Variants in SLIT2 observed in about 807,000 individuals in gnomAD.
SLIT2 encodes slit homolog 2 protein.
SLIT2 carries 41 observed loss-of-function variants against 185.7 expected under a neutral mutation model. That is an observed-to-expected ratio of 0.22 (90% CI 0.17 to 0.29). The LOEUF (loss-of-function observed/expected upper bound fraction) is 0.29, where lower values mean the gene tolerates loss of function less well. SLIT2 is among the 10% of genes least tolerant of loss of function. The probability of loss-of-function intolerance (pLI) is 1.00; values close to 1 mark genes in which losing one functional copy is unlikely to be tolerated. For missense variants in SLIT2, 1,571 were observed against 1,909.0 expected, an observed-to-expected ratio of 0.82 and a Z score of 3.30; for synonymous variants, 693 against 680.2, an observed-to-expected ratio of 1.02 and a Z score of -0.29.
At chr4:20,360,888 C>T (rs902770819) in intron 4 of SLIT2, among the ~76,000 whole-genome samples, 5 of 152,210 alleles carry the variant, frequency 3.3e-5, no homozygotes, top group African/African-American at 1.2e-4. Flanking sequence ...TTAAAGTCAA[C>T]CTGTGACTTA....
chr4:20,406,969 A>G (rs1353229409), intron 4 of SLIT2, among the ~76,000 whole-genome samples: 3 of 152,174 alleles, frequency 2.0e-5, no homozygotes, highest in African/African-American at 4.8e-5. Context: ...GGATTATCAT[A>G]TAACAATAAA....
chr4:20,307,437 AT>A (rs879829182), intron 4 of SLIT2, among the ~76,000 whole-genome samples: 147 of 151,056 alleles, frequency 9.7e-4, no homozygotes, highest in Admixed American at 1.8e-3. Flanking sequence ...TAAATTCTTA[AT>A]TTTTTTTCAT....
At chr4:20,356,433 G>C (rs1722329834) in intron 4 of SLIT2, among the ~76,000 whole-genome samples, 1 of 152,128 alleles carries the variant, frequency 6.6e-6, no homozygotes, top group Non-Finnish European at 1.5e-5. Flanking sequence ...CACCTAGTTA[G>C]ATATTGATGC....
intron 4 of SLIT2, among the ~76,000 whole-genome samples, chr4:20,340,760 C>G (rs1720896258): frequency 6.6e-6 from 1 of 152,088 alleles, no homozygotes; most frequent in South Asian, 2.1e-4. Context: ...GCCACTAGAC[C>G]CGGCTAATTT....
chr4:20,328,601 T>A (rs1485681246), intron 4 of SLIT2, among the ~76,000 whole-genome samples: 3 of 151,864 alleles, frequency 2.0e-5, no homozygotes, highest in African/African-American at 4.8e-5. Context: ...AAAAAAAAAA[T>A]TATATTTGAA....
chr4:20,336,680 TAAAG>T (rs1439067447), intron 4 of SLIT2, among the ~76,000 whole-genome samples: 7 of 150,756 alleles, frequency 4.6e-5, no homozygotes, highest in Admixed American at 3.3e-4. Context: ...TAAAGTATAA[TAAAG>T]AAAAAAAAGA....
intron 16 of SLIT2, among the ~76,000 whole-genome samples, chr4:20,530,771 G>C (rs924040417): frequency 3.3e-5 from 5 of 151,978 alleles, no homozygotes; most frequent in Non-Finnish European, 5.9e-5. Context: ...AATATATACA[G>C]AACTCTTATA....
chr4:20,372,245 G>C (rs932712322), intron 4 of SLIT2, among the ~76,000 whole-genome samples: 2 of 152,050 alleles, frequency 1.3e-5, no homozygotes, highest in African/African-American at 4.8e-5. Flanking sequence ...CAATTATTTT[G>C]AGAGGAATTT....
chr4:20,273,003 A>G (rs1713788509), intron 4 of SLIT2, among the ~76,000 whole-genome samples: 1 of 152,154 alleles, frequency 6.6e-6, no homozygotes, highest in East Asian at 1.9e-4. Flanking sequence ...TGGCCAGGTC[A>G]TAATTCATTA....
chr4:20,462,839 C>T (rs1713878958), intron 4 of SLIT2, among the ~76,000 whole-genome samples: 1 of 152,164 alleles, frequency 6.6e-6, no homozygotes. Flanking sequence ...TAGAACAGTA[C>T]ACTCCTAGAA....
At chr4:20,447,407 C>T (rs904664222) in intron 4 of SLIT2, among the ~76,000 whole-genome samples, 2 of 152,172 alleles carry the variant, frequency 1.3e-5, no homozygotes, top group African/African-American at 4.8e-5. Flanking sequence ...TTGTGAGGGA[C>T]GCCCTGAGTT....
At chr4:20,262,398 A>G (rs576749834) in intron 3 of SLIT2, among the ~76,000 whole-genome samples, 1 of 151,938 alleles carries the variant, frequency 6.6e-6, no homozygotes, top group East Asian at 1.9e-4. Flanking sequence ...AGAAAGCATC[A>G]TTTATCCTGT....
chr4:20,575,533 C>T (rs1253542078), intron 29 of SLIT2, among the ~76,000 whole-genome samples: 1 of 152,172 alleles, frequency 6.6e-6, no homozygotes. Context: ...GGCCCAGATG[C>T]AAACCCATGT....
intron 4 of SLIT2, among the ~76,000 whole-genome samples, chr4:20,358,822 A>G (rs868061984): frequency 1.2e-3 from 189 of 152,284 alleles, no homozygotes; most frequent in Non-Finnish European, 6.5e-4. Flanking sequence ...AGGGGCAGAT[A>G]AACATGAGAT....
rs1360674817 is a variant in SLIT2, at chr4:20,546,244, C to A, written c.2345+145C>A. 8.0e-6 allele frequency: 4 copies of A among 502,216 alleles called. No homozygotes were observed. The South Asian group carries it at 1.4e-4, about 18-fold the overall frequency. The allele number at this position is 502,216 out of a possible 1,614,324, so 31.1% of individuals were successfully genotyped here. ...CCTCCTTGCTCATTGCGGTTCTGGA[C>A]CCCTGGCTACATCTTCATTGAATAT... On this transcript the variant is annotated intron_variant, in intron 22 of 36. Transcript: ENST00000504154.
rs1022838874 is a variant in SLIT2, at chr4:20,619,644, A to AT, written c.*642dup. On this transcript the variant is annotated 3_prime_UTR_variant, in exon 37 of 37. Transcript: ENST00000504154. ...AAGTCTTTACCATTTTCCAGTATTAATTTTTTTGTAATATAAATGATAAAG... is the reference window on the plus strand; with the variant it reads ...AAGTCTTTACCATTTTCCAGTATTAATTTTTTTTGTAATATAAATGATAAAG... The AT allele has an allele frequency of 6.6e-6, 1 of 152,118 alleles. No homozygotes were observed. Among genetic ancestry groups the AT allele is most frequent in the Non-Finnish European group, 1.5e-5 (1 of 68,026 alleles). The allele number at this position is 152,118 out of a possible 1,614,324, so 9.4% of individuals were successfully genotyped here.
intron 34 of SLIT2, chr4:20,616,251 G>A (rs1022163788): frequency 6.6e-6 from 1 of 152,228 alleles, no homozygotes; most frequent in African/African-American, 2.4e-5. Context: ...CCAGGAGTGA[G>A]CTGAATTAGT....
chr4:20,412,164 A>G (rs541548687), intron 4 of SLIT2, among the ~76,000 whole-genome samples: 5 of 152,142 alleles, frequency 3.3e-5, no homozygotes, highest in Admixed American at 3.3e-4. Context: ...TTAACTCTTG[A>G]AAGATGGTCA....
chr4:20,496,270 T>A (rs63027762), intron 9 of SLIT2, among the ~76,000 whole-genome samples: 113,984 of 151,530 alleles, frequency 0.75, 43,157 homozygotes, highest in East Asian at 0.95. Flanking sequence ...TTTGGTAACT[T>A]CAATTATTTG....
Sources: allele counts gnomAD v4.1 joint callset (sites outside exome capture counted in the v4.1 genomes callset), GRCh38; gene constraint gnomAD v4.1.1; transcripts MANE v1.5; gene names NCBI Gene and HGNC (gene_info 2026-07-23, HGNC 2026-07-21).